The following FAM227B variants were observed in gnomAD, a reference collection of about 807,000 sequenced individuals.
The protein encoded by FAM227B is family with sequence similarity 227 member B.
In FAM227B, 88 loss-of-function variants were observed where a neutral mutation model predicts 73.8. That is an observed-to-expected ratio of 1.19 (90% CI 1.00 to 1.42). FAM227B has a LOEUF of 1.42. FAM227B is among the 40% of genes most tolerant of loss of function. The pLI is 0.00. For missense variants in FAM227B, 632 were observed against 590.9 expected (o/e 1.07, Z -0.72); for synonymous variants, 210 against 190.5 (o/e 1.10, Z -0.84).
intron 11 of FAM227B, among the ~76,000 whole-genome samples, chr15:49,427,407 A>G (rs149894107): frequency 1.3e-5 from 2 of 152,166 alleles, no homozygotes; most frequent in African/African-American, 4.8e-5. Context: ...ATGCAGCAGG[A>G]TTCTGATTAA....
intron 11 of FAM227B, among the ~76,000 whole-genome samples, chr15:49,388,402 TA>T (rs1202541578): frequency 1.3e-5 from 2 of 151,646 alleles, no homozygotes; most frequent in Non-Finnish European, 3.0e-5. Flanking sequence ...TTTATTACAT[TA>T]AATGGTGCTA....
At chr15:49,403,498 T>C (rs2151644008) in intron 11 of FAM227B, among the ~76,000 whole-genome samples, 1 of 152,288 alleles carries the variant, frequency 6.6e-6, no homozygotes, top group African/African-American at 2.4e-5. Context: ...TGGGAGTGTG[T>C]ATGTGTCCAG....
At position 49,508,358 on chromosome 15, in the gene FAM227B, T is replaced by C. The variant is rs1257215810; in HGVS notation, c.875-10A>G. The C allele has an allele frequency of 2.1e-5, 32 of 1,558,786 alleles. No homozygotes were observed. The highest frequency in any genetic ancestry group is 2.8e-5 in the Non-Finnish European group (32 of 1,160,826). On this transcript the variant is annotated splice_polypyrimidine_tract_variant and intron_variant, in intron 10 of 15. Transcript: ENST00000299338. ...TTTTGAGGTTTTAAACCTGTTAATA[T>C]AAAATACATATTTAGCCAAATAAAT...
chr15:49,332,016 T>C (rs1301590166), intron 14 of FAM227B, 167 bp from the exon 15 acceptor site: 1 of 592,108 alleles, frequency 1.7e-6, no homozygotes, highest in Non-Finnish European at 3.0e-6. Context: ...ACTCCTATTA[T>C]CCTATTTTAT....
chr15:49,539,652 A>G (rs893174935), intron 10 of FAM227B, among the ~76,000 whole-genome samples: 5 of 152,202 alleles, frequency 3.3e-5, no homozygotes, highest in Admixed American at 2.0e-4. Context: ...GTGGTGTTGC[A>G]GTGGGTCCAG....
rs1248248262 is a variant in FAM227B, at chr15:49,489,877, TATATATAGAG to T, written c.1012+18324_1012+18333del. ...TATATATTTTATATATATATATATA[TATATATAGAG>T]AGAGAGAGAGAGAGAGAGAGAGAGA... On this transcript the variant is annotated intron_variant, in intron 11 of 15. Transcript: ENST00000299338. Among the ~76,000 whole-genome samples, 17 of 17,588 alleles carry T rather than the reference TATATATAGAG, an allele frequency of 9.7e-4. 2 individuals carry two copies. Among genetic ancestry groups the T allele is most frequent in the South Asian group, 2.0e-3 (1 of 496 alleles). The allele number at this position is 17,588 out of a possible 152,430, so 11.5% of individuals were successfully genotyped here. A position where few individuals can be genotyped will look rare whatever the true frequency, so the allele number is the denominator to read the frequency against.
rs143420007 is a variant in FAM227B at position 49,559,985 on chromosome 15, A to G, written c.747+8260T>C. 1.6e-4 allele frequency among the ~76,000 whole-genome samples: 25 copies of G among 152,294 alleles called. No individual in the cohort carries two copies. In the East Asian group the frequency reaches 4.8e-3, roughly 29 times the overall value. ...ACACCAAAAATACCTGAATGTTGCA[A>G]CACCACCAAAAGATCACTCTAGTTC... On this transcript the variant is annotated intron_variant, in intron 9 of 15. Coordinates refer to ENST00000299338, the MANE Select transcript of FAM227B (RefSeq NM_152647.3).
rs1418825363 is a variant in FAM227B, at chr15:49,598,138, CT to C, written c.106-8132del. ...AATCATTCTATGAAGCCAGTATTAC[CT>C]TAATACCAAAACTAGGAAAAGACAA... is the stretch of plus-strand genomic sequence containing the variant. On this transcript the variant is annotated intron_variant, in intron 3 of 15. Coordinates refer to ENST00000299338, the MANE Select transcript of FAM227B (RefSeq NM_152647.3). Among the ~76,000 whole-genome samples, 5 of 151,950 alleles carry C rather than the reference CT, an allele frequency of 3.3e-5. No individual in the cohort carries two copies. The South Asian group carries it at 6.2e-4, about 19-fold the overall frequency.
At chr15:49,591,030 T>A (rs1285646287) in intron 3 of FAM227B, among the ~76,000 whole-genome samples, 4 of 86,390 alleles carry the variant, frequency 4.6e-5, no homozygotes, top group East Asian at 1.1e-3. Flanking sequence ...CTTTTTTTTG[T>A]TTTTTTTTTT....
chr15:49,429,539 A>T (rs1446462788), intron 11 of FAM227B, among the ~76,000 whole-genome samples: 2 of 151,900 alleles, frequency 1.3e-5, no homozygotes, highest in Non-Finnish European at 2.9e-5. Context: ...GTTCTAGAGC[A>T]TTCAGAGGCC....
intron 8 of FAM227B, among the ~76,000 whole-genome samples, chr15:49,568,928 C>G (rs532062930): frequency 6.6e-6 from 1 of 152,036 alleles, no homozygotes; most frequent in African/African-American, 2.4e-5. Context: ...TCCTCTTCAA[C>G]TTTTTGAAAG....
At chr15:49,614,866 C>T in intron 2 of FAM227B, 1 of 434,254 alleles carries the variant, frequency 2.3e-6, no homozygotes, top group South Asian at 3.7e-5. Flanking sequence ...ATATAAAACC[C>T]TAATTTTAGT....
At chr15:49,569,885 T>C (rs1453097180) in intron 8 of FAM227B, among the ~76,000 whole-genome samples, 2 of 152,046 alleles carry the variant, frequency 1.3e-5, no homozygotes, top group African/African-American at 4.8e-5. Context: ...TTTGTCTTTA[T>C]GAGCCTGGCT....
chr15:49,395,537 G>A (rs931290961), intron 11 of FAM227B, among the ~76,000 whole-genome samples: 5 of 152,170 alleles, frequency 3.3e-5, no homozygotes, highest in African/African-American at 9.7e-5. Flanking sequence ...ATAGGCAGAA[G>A]TACATTACTA....
chr15:49,396,016 G>A, intron 11 of FAM227B: 1 of 455,378 alleles, frequency 2.2e-6, no homozygotes, highest in Non-Finnish European at 4.4e-6. Context: ...AATAGGAACA[G>A]CTCCGGTCTA....
In FAM227B at chr15:49,331,814, A is replaced by C. The variant is rs1201626805; in HGVS notation, c.1385T>G (p.Val462Gly). Residue 462 changes from valine (V) to glycine (G), a missense_variant, in exon 15 of 16, where the codon GTG (valine) becomes GGG (glycine). Physicochemically the swap from Val to Gly is moderately radical, Grantham distance 109. Transcript: ENST00000299338. ...QAKATKKPHE[V>G]KQDFEKFLHK... is the part of the protein sequence containing the mutation. ...TAGGAACTTCTCAAAGTCCTGTTTC[A>C]CTTCATGAGGTTTCTTGGTAGCCTT... 6.2e-7 allele frequency: 1 copy of C among 1,611,746 alleles called. No individual in the cohort carries two copies. The highest frequency in any genetic ancestry group is 1.1e-5 in the South Asian group (1 of 91,032).
At chr15:49,396,520 C>T (rs1240089951) in intron 11 of FAM227B, 1 of 163,614 alleles carries the variant, frequency 6.1e-6, no homozygotes, top group East Asian at 1.9e-4. Flanking sequence ...CTGCCTGCCT[C>T]TGTAGGCTCC....
intron 10 of FAM227B, among the ~76,000 whole-genome samples, chr15:49,515,656 CTG>C (rs2059327616): frequency 6.6e-6 from 1 of 152,124 alleles, no homozygotes; most frequent in Non-Finnish European, 1.5e-5. Context: ...CTAGAATGAA[CTG>C]TGTTTATGTT....
intron 11 of FAM227B, among the ~76,000 whole-genome samples, chr15:49,470,069 C>G (rs1196453627): frequency 2.0e-5 from 3 of 152,032 alleles, no homozygotes; most frequent in African/African-American, 7.2e-5. Flanking sequence ...TGCATACAAC[C>G]ATAATCAAAA....
Sources: allele counts gnomAD v4.1 joint callset (sites outside exome capture counted in the v4.1 genomes callset), GRCh38; gene constraint gnomAD v4.1.1; transcripts MANE v1.5; gene names NCBI Gene and HGNC (gene_info 2026-07-23, HGNC 2026-07-21).